The following CDK18 variants were observed in gnomAD, a reference collection of about 807,000 sequenced individuals.
CDK18 encodes cyclin-dependent kinase 18.
In CDK18, 52 loss-of-function variants were observed where a neutral mutation model predicts 62.0. The observed-to-expected ratio is 0.84, with a 90% CI of 0.67 to 1.06. The LOEUF is 1.06. CDK18 is among the 50% of genes least tolerant of loss of function. The pLI, the probability that CDK18 is intolerant of heterozygous loss-of-function variation, is 0.00. For synonymous variants in CDK18, 237 were observed against 247.0 expected (o/e 0.96, Z 0.38); for missense variants, 604 against 619.9 (o/e 0.97, Z 0.27).
intron 1 of CDK18, among the ~76,000 whole-genome samples, chr1:205,520,498 G>T (rs1404777167): frequency 6.6e-6 from 1 of 152,030 alleles, no homozygotes; most frequent in Admixed American, 6.6e-5. Context: ...TCAGGAGTTC[G>T]AGACCAGCCT....
At chr1:205,526,036 C>T (rs763091254) in intron 5 of CDK18, 29 bp from the exon 6 acceptor site, 2 of 1,551,212 alleles carry the variant, frequency 1.3e-6, no homozygotes, top group Non-Finnish European at 1.8e-6. Context: ...CCTGAATGCG[C>T]CTGGGGCCGC....
In CDK18 at chr1:205,527,893, G is replaced by T. The variant is rs149098384; in HGVS notation, c.829G>T (p.Gly277Trp). The T allele has an allele frequency of 1.2e-5, 19 of 1,614,190 alleles. No individual in the cohort carries two copies. Among genetic ancestry groups the T allele is most frequent in the South Asian group, 3.3e-5 (3 of 91,078 alleles). ...CCAGAACCTGCTCATCAACGAGAGG[G>T]GGGAGCTGAAGCTGGCCGACTTTGG... ...KPQNLLINER[G>W]ELKLADFGLA... is the part of the protein sequence containing the mutation. Residue 277 changes from glycine to tryptophan, a missense_variant, in exon 9 of 16, where the codon GGG becomes TGG. Physicochemically the swap from Gly to Trp is radical, Grantham distance 184. Coordinates refer to ENST00000429964, the MANE Select transcript of CDK18 (RefSeq NM_212502.3). This position sits in a 1 kb window ranked among gnomAD's most constrained non-coding sequence, Gnocchi z 4.1.
chr1:205,505,755 G>C (rs1229935916), intron 1 of CDK18, among the ~76,000 whole-genome samples: 2 of 152,144 alleles, frequency 1.3e-5, no homozygotes, highest in African/African-American at 4.8e-5. Context: ...GTGCTGCAGG[G>C]TCAGCACCCT....
rs1667855489 is a variant in CDK18, at chr1:205,517,026, C to T, written c.-21-6121C>T. The T allele has an allele frequency of 6.6e-6, 1 of 152,282 alleles. No homozygotes were observed. The highest frequency in any genetic ancestry group is 2.1e-4 in the South Asian group (1 of 4,832). 9.4% of individuals were successfully genotyped at this position (152,282 alleles called of 1,614,324 possible). A position where few individuals can be genotyped will look rare whatever the true frequency, so the allele number is the denominator to read the frequency against. On this transcript the variant is annotated intron_variant, in intron 1 of 15. Transcript: ENST00000429964. This position sits in a 1 kb window ranked among gnomAD's most constrained non-coding sequence, Gnocchi z 4.1. The stretch of plus-strand genomic sequence containing the variant: ...GTCAAGGTCTCTCAGGGGTCCAGCC[C>T]CAAGGCAGGTATTAGGTCTGTGGCC...
chr1:205,528,908 G>C lies in CDK18; in HGVS notation c.975-91G>C, dbSNP rs558385581. 1 of 808,404 alleles carries C rather than the reference G, an allele frequency of 1.2e-6. No homozygotes were observed. The highest frequency in any genetic ancestry group is 2.0e-6 in the Non-Finnish European group (1 of 502,138). 50.1% of individuals were successfully genotyped at this position (808,404 alleles called of 1,614,324 possible). On this transcript the variant is annotated intron_variant, in intron 10 of 15. Coordinates refer to ENST00000429964, the MANE Select transcript of CDK18 (RefSeq NM_212502.3). This position sits in a 1 kb window ranked among gnomAD's most constrained non-coding sequence, Gnocchi z 4.2. Reference sequence around the variant, plus strand: ...AGAGCCACGATCCCTGCAGCCGCCTGTGGCAGGTCGTCATTGGTGCCCTGG... The same window carrying C: ...AGAGCCACGATCCCTGCAGCCGCCTCTGGCAGGTCGTCATTGGTGCCCTGG...
rs1667829908 is a variant in CDK18 at position 205,516,593 on chromosome 1, C to T, written c.-21-6554C>T. ...GCAGACACATGCCTGCTGTATGCCA[C>T]CAGCACCAGGCATAGAGACCAACGT... is the stretch of plus-strand genomic sequence containing the variant. On this transcript the variant is annotated intron_variant, in intron 1 of 15. Transcript: ENST00000429964. The surrounding 1 kb of genome is among the most constrained non-coding windows in gnomAD (Gnocchi z 4.8). Among the ~76,000 whole-genome samples, 1 of 152,166 alleles carries T rather than the reference C, an allele frequency of 6.6e-6. No individual in the cohort carries two copies. Among genetic ancestry groups the T allele is most frequent in the Non-Finnish European group, 1.5e-5 (1 of 68,030 alleles).
chr1:205,526,890 C>A, intron 8 of CDK18, 53 bp downstream of exon 8: 1 of 1,450,788 alleles, frequency 6.9e-7, no homozygotes, highest in Non-Finnish European at 9.7e-7. Flanking sequence ...TGTCCAGAAG[C>A]CCAGTGTGGG....
Position 205,526,044 on chromosome 1 carries a change from C to T in CDK18, c.457-21C>T, listed in dbSNP as rs114729679. ...AGCAGCACCTGAATGCGCCTGGGGC[C>T]GCTGTGGCCCTCCATCCCAGGGCAC... On this transcript the variant is annotated intron_variant, in intron 5 of 15. Coordinates refer to ENST00000429964, the MANE Select transcript of CDK18 (RefSeq NM_212502.3). 1.3e-3 allele frequency: 1,984 copies of T among 1,581,742 alleles called. 14 individuals carry two copies. The African/African-American group carries it at 0.014, about 11-fold the overall frequency.
In CDK18 at chr1:205,526,444, C is replaced by G. The variant is rs1668433117; in HGVS notation, c.649C>G (p.Leu217Val). Reference protein sequence around the residue: ...DLIHTDRSLTLVFEYLDSDLK... With the variant: ...DLIHTDRSLTVVFEYLDSDLK... ...CATCCACACAGATCGGTCCCTCACC[C>G]TGGTGTTTGAGTACCTGGTGAGAGT... Residue 217 changes from leucine to valine, a missense_variant, in exon 7 of 16, where the codon CTG becomes GTG. Coordinates refer to ENST00000429964, the MANE Select transcript of CDK18 (RefSeq NM_212502.3). 1 of 1,613,676 alleles carries G rather than the reference C, an allele frequency of 6.2e-7. No homozygotes were observed.
chr1:205,529,958 T>TA (rs140033093), intron 13 of CDK18: 333,140 of 1,385,002 alleles, frequency 0.24, 43,110 homozygotes, highest in Non-Finnish European at 0.27. Context: ...CGCTTCCTGT[T>TA]ACGGATGTTC....
rs184616526 is a variant in CDK18 at position 205,521,173 on chromosome 1, G to A, written c.-21-1974G>A. On this transcript the variant is annotated intron_variant, in intron 1 of 15. Transcript: ENST00000429964. Reference sequence around the variant, plus strand: ...CTTTACTTGCCTCTGAAACCCTCATGCCTGGCACAATGCTGGCGCATAGTA... The same window carrying A: ...CTTTACTTGCCTCTGAAACCCTCATACCTGGCACAATGCTGGCGCATAGTA... 1.9e-3 allele frequency among the ~76,000 whole-genome samples: 288 copies of A among 152,340 alleles called. 3 individuals are homozygous for A. The highest frequency in any genetic ancestry group is 6.5e-3 in the African/African-American group (272 of 41,580).
At chr1:205,511,580 A>G (rs1456609171) in intron 1 of CDK18, among the ~76,000 whole-genome samples, 5 of 152,376 alleles carry the variant, frequency 3.3e-5, no homozygotes, top group Admixed American at 2.6e-4. Flanking sequence ...AAGCAAAAAG[A>G]AGACATTAAA....
chr1:205,510,496 G>A (rs914093358), intron 1 of CDK18, among the ~76,000 whole-genome samples: 3 of 152,234 alleles, frequency 2.0e-5, no homozygotes, highest in African/African-American at 7.2e-5. Context: ...AGCCCAGCTG[G>A]CAGCATCCCC....
At chr1:205,525,993 A>T in intron 5 of CDK18, 72 bp from the exon 6 acceptor site, 2 of 1,097,652 alleles carry the variant, frequency 1.8e-6, no homozygotes, top group Non-Finnish European at 2.7e-6. Flanking sequence ...GCAGAGGCAC[A>T]AATGGGGAGG....
At chr1:205,522,223 G>A (rs1030370962) in intron 1 of CDK18, among the ~76,000 whole-genome samples, 1 of 152,114 alleles carries the variant, frequency 6.6e-6, no homozygotes, top group African/African-American at 2.4e-5. Context: ...GAGGAGCTGG[G>A]TAGCCTGAAG....
At position 205,527,046 on chromosome 1, in the gene CDK18, G is replaced by C. The variant is rs1052298141; in HGVS notation, c.729+209G>C. 2 of 575,192 alleles carry C rather than the reference G, an allele frequency of 3.5e-6. No homozygotes were observed. The highest frequency in any genetic ancestry group is 1.9e-5 in the African/African-American group (1 of 53,548). 35.6% of individuals were successfully genotyped at this position (575,192 alleles called of 1,614,324 possible). A position where few individuals can be genotyped will look rare whatever the true frequency, so the allele number is the denominator to read the frequency against. On this transcript the variant is annotated intron_variant, in intron 8 of 15. Coordinates refer to ENST00000429964, the MANE Select transcript of CDK18 (RefSeq NM_212502.3). This position sits in a 1 kb window ranked among gnomAD's most constrained non-coding sequence, Gnocchi z 4.1. ...GAACAGACACACACTGTCTGCCACT[G>C]TCTAGCTGTTGGTATAAAACCCACT... is the stretch of plus-strand genomic sequence containing the variant.
intron 11 of CDK18, 82 bp from the exon 12 acceptor site, chr1:205,529,242 A>G (rs1668607435): frequency 7.1e-7 from 1 of 1,409,690 alleles, no homozygotes; most frequent in African/African-American, 1.4e-5. Flanking sequence ...CTTTGCTCCC[A>G]CCTCATACAT....
intron 7 of CDK18, 52 bp downstream of exon 7, chr1:205,526,513 G>A: frequency 2.1e-6 from 3 of 1,421,936 alleles, no homozygotes; most frequent in South Asian, 1.1e-5. Flanking sequence ...TGGAAACGGG[G>A]TGTGGGTAGG....
intron 1 of CDK18, among the ~76,000 whole-genome samples, chr1:205,508,966 T>C (rs1667439174): frequency 1.3e-5 from 2 of 150,732 alleles, no homozygotes; most frequent in Non-Finnish European, 2.9e-5. Context: ...CTGGCCAACA[T>C]GATGAAACCC....
Sources: gnomAD v4.1 joint callset for allele counts (sites outside exome capture counted in the v4.1 genomes callset) on GRCh38, gnomAD v4.1.1 for gene constraint, Gnocchi (gnomAD v3.1) non-coding constraint, MANE v1.5 for transcripts, NCBI Gene and HGNC (gene_info 2026-07-23, HGNC 2026-07-21) for gene names.